The following LARP4B variants were observed in gnomAD, a reference collection of about 807,000 sequenced individuals.
LARP4B encodes the protein la-related protein 4B.
In LARP4B, 12 loss-of-function variants were observed where a neutral mutation model predicts 89.8. The ratio of observed to expected loss-of-function variants is 0.13; its 90% CI spans 0.09 to 0.22. LARP4B has a LOEUF of 0.22. LARP4B is among the 10% of genes least tolerant of loss of function. The probability of loss-of-function intolerance (pLI) is 1.00; values close to 1 mark genes in which losing one functional copy is unlikely to be tolerated. For synonymous variants in LARP4B, 367 were observed against 363.3 expected, an observed-to-expected ratio of 1.01 and a Z score of -0.12; for missense variants, 757 against 947.7, an observed-to-expected ratio of 0.80 and a Z score of 2.64.
intron 1 of LARP4B, among the ~76,000 whole-genome samples, chr10:905,141 C>G (rs1836454389): frequency 6.6e-6 from 1 of 152,216 alleles, no homozygotes; most frequent in African/African-American, 2.4e-5. Context: ...CTTCTGGCCT[C>G]AAGCATTTCA....
intron 5 of LARP4B, among the ~76,000 whole-genome samples, chr10:863,258 C>T (rs1370762577): frequency 2.0e-5 from 3 of 150,074 alleles, no homozygotes; most frequent in Non-Finnish European, 4.4e-5. Flanking sequence ...GAGTCTCGCT[C>T]TGTCGCCCAG....
chr10:871,617 C>A (rs528949033), intron 3 of LARP4B, among the ~76,000 whole-genome samples: 1 of 152,250 alleles, frequency 6.6e-6, no homozygotes, highest in South Asian at 2.1e-4. Flanking sequence ...AGGCTGCAGT[C>A]CCCTCTGCGC....
the LARP4B span, among the ~76,000 whole-genome samples, chr10:940,473 G>A: frequency 6.6e-6 from 1 of 152,208 alleles, no homozygotes. Context: ...ATTTTTAGTA[G>A]AAACAGCGTT....
At chr10:969,358 A>G in the LARP4B span, among the ~76,000 whole-genome samples, 1 of 152,174 alleles carries the variant, frequency 6.6e-6, no homozygotes, top group African/African-American at 2.4e-5. Flanking sequence ...AAGCTTGATG[A>G]CAAGGGCTCT....
chr10:880,557 A>G (rs1477625659), intron 3 of LARP4B, among the ~76,000 whole-genome samples: 1 of 152,110 alleles, frequency 6.6e-6, no homozygotes, highest in African/African-American at 2.4e-5. Context: ...ATGGTGGTGC[A>G]TGCCTGTAAT....
At chr10:868,352 T>A in intron 3 of LARP4B, among the ~76,000 whole-genome samples, 1 of 139,778 alleles carries the variant, frequency 7.2e-6, no homozygotes, top group Non-Finnish European at 1.5e-5. Flanking sequence ...TGAAATGGAG[T>A]AATAGCTGCT....
At chr10:839,909 G>C (rs899199424) in intron 7 of LARP4B, among the ~76,000 whole-genome samples, 2 of 152,178 alleles carry the variant, frequency 1.3e-5, no homozygotes, top group Non-Finnish European at 2.9e-5. Flanking sequence ...TAACTGCTAG[G>C]TGCATAAACC....
chr10:972,896 C>G, the LARP4B span: 1 of 456,176 alleles, frequency 2.2e-6, no homozygotes, highest in East Asian at 7.0e-5. Context: ...TTGGAGGGCT[C>G]GCTGCTGAGC....
intron 1 of LARP4B, among the ~76,000 whole-genome samples, chr10:927,789 G>C (rs907829367): frequency 3.3e-5 from 5 of 152,204 alleles, no homozygotes; most frequent in Non-Finnish European, 1.5e-5. Context: ...GTTGTTTTGA[G>C]AATTTTGTAG....
chr10:839,793 G>A (rs147776350), intron 7 of LARP4B, among the ~76,000 whole-genome samples: 1 of 152,226 alleles, frequency 6.6e-6, no homozygotes, highest in Non-Finnish European at 1.5e-5. Context: ...TCCACTTGTG[G>A]CTATTTACCC....
intron 1 of LARP4B, among the ~76,000 whole-genome samples, chr10:913,802 G>A (rs754399773): frequency 9.2e-5 from 14 of 152,152 alleles, no homozygotes; most frequent in Non-Finnish European, 1.9e-4. Context: ...CCAGCTACTT[G>A]GGACGCTGAG....
At chr10:987,599 T>C in the LARP4B span, 1 of 152,198 alleles carries the variant, frequency 6.6e-6, no homozygotes, top group African/African-American at 2.4e-5. Flanking sequence ...TAATATATAG[T>C]CAGCAGCTCT....
At chr10:825,449 G>T in intron 12 of LARP4B, 133 bp from the exon 13 acceptor site, 1 of 865,438 alleles carries the variant, frequency 1.2e-6, no homozygotes, top group Non-Finnish European at 1.8e-6. Context: ...GATTTGGAAT[G>T]GTTAACTCCT....
intron 3 of LARP4B, 68 bp from the exon 4 acceptor site, chr10:864,338 CAG>C (rs1426128373): frequency 1.3e-6 from 2 of 1,525,324 alleles, no homozygotes; most frequent in African/African-American, 2.7e-5. Flanking sequence ...CTCATTAATG[CAG>C]AGTTAAGAGA....
the LARP4B span, among the ~76,000 whole-genome samples, chr10:941,369 C>T: frequency 6.6e-6 from 1 of 152,230 alleles, no homozygotes. Flanking sequence ...GGCTGGAGTG[C>T]AGTGGCATGA....
intron 3 of LARP4B, among the ~76,000 whole-genome samples, chr10:872,278 C>T (rs1010995604): frequency 6.6e-6 from 1 of 152,230 alleles, no homozygotes; most frequent in African/African-American, 2.4e-5. Flanking sequence ...CACTGCATTC[C>T]CCTGTCCTTT....
chr10:886,888 G>A (rs934041147), intron 1 of LARP4B, among the ~76,000 whole-genome samples: 2 of 152,198 alleles, frequency 1.3e-5, no homozygotes, highest in Admixed American at 1.3e-4. Context: ...TCAGGAGTTC[G>A]AGACCTGTCT....
At chr10:895,786 A>G (rs189254003) in intron 1 of LARP4B, among the ~76,000 whole-genome samples, 13 of 152,320 alleles carry the variant, frequency 8.5e-5, no homozygotes, top group African/African-American at 2.2e-4. Context: ...TGTAGATACT[A>G]AAGTTGCAAT....
chr10:939,444 A>G, the LARP4B span, among the ~76,000 whole-genome samples: 3 of 152,316 alleles, frequency 2.0e-5, no homozygotes, highest in Middle Eastern at 3.4e-3. Flanking sequence ...AGCCCACATT[A>G]AAGGCCTAGG....
Sources: allele counts gnomAD v4.1 joint callset (sites outside exome capture counted in the v4.1 genomes callset), GRCh38; gene constraint gnomAD v4.1.1; transcripts MANE v1.5; gene names NCBI Gene and HGNC (gene_info 2026-07-23, HGNC 2026-07-21).